PPIP5K2: variants seen among roughly 807,000 people sequenced by gnomAD.
The protein encoded by PPIP5K2 is diphosphoinositol pentakisphosphate kinase 2, also known as inositol hexakisphosphate and diphosphoinositol-pentakisphosphate kinase 2.
PPIP5K2 carries 105 observed loss-of-function variants against 154.6 expected under a neutral mutation model. That is an observed-to-expected ratio of 0.68 (90% confidence interval 0.58 to 0.80). The LOEUF is 0.80. PPIP5K2 is among the 30% of genes least tolerant of loss of function. The probability of loss-of-function intolerance (pLI) is 0.00; values close to 1 mark genes in which losing one functional copy is unlikely to be tolerated. For synonymous variants in PPIP5K2, 480 were observed against 490.3 expected (o/e 0.98, Z 0.28); for missense variants, 992 against 1,504.6 (o/e 0.66, Z 5.64).
At chr5:103,149,129 C>A (rs1554210373) in intron 7 of PPIP5K2, 23 bp from the exon 8 acceptor site, 1 of 1,561,334 alleles carries the variant, frequency 6.4e-7, no homozygotes, top group Non-Finnish European at 8.7e-7. Context: ...TATATTTATA[C>A]ATTTATTAAA....
intron 11 of PPIP5K2, 123 bp from the exon 12 acceptor site, chr5:103,154,547 C>T (rs1795108284): frequency 1.7e-6 from 1 of 600,818 alleles, no homozygotes; most frequent in Non-Finnish European, 2.8e-6. Context: ...AAACACAGTA[C>T]TTGAAATCCT....
At chr5:103,169,120 C>T (rs76738518) in intron 19 of PPIP5K2, among the ~76,000 whole-genome samples, 4 of 151,630 alleles carry the variant, frequency 2.6e-5, no homozygotes, top group Non-Finnish European at 4.4e-5. Context: ...AAAGGTGTAA[C>T]AAGAATTCAA....
At chr5:103,158,028 C>T (rs1488592941) in intron 14 of PPIP5K2, among the ~76,000 whole-genome samples, 160 bp from the exon 15 acceptor site, 1 of 152,194 alleles carries the variant, frequency 6.6e-6, no homozygotes, top group Non-Finnish European at 1.5e-5. Context: ...TGCCTACAAA[C>T]GGCATTAAGG....
At chr5:103,156,177 C>G (rs1217703222) in intron 14 of PPIP5K2, among the ~76,000 whole-genome samples, 183 bp downstream of exon 14, 10 of 152,056 alleles carry the variant, frequency 6.6e-5, no homozygotes, top group Admixed American at 2.6e-4. Context: ...TTAAAATTAC[C>G]TATTCTTTAA....
rs556628527 is a variant in PPIP5K2 at position 103,150,655 on chromosome 5, C to T, written c.907-598C>T. Among the ~76,000 whole-genome samples, 13 of 152,174 alleles carry T rather than the reference C, an allele frequency of 8.5e-5. No homozygotes were observed. In the South Asian group the frequency reaches 2.1e-3, roughly 24 times the overall value. ...TTGTGGTGGCTCACACCTGTAATCCCAGCTACTGCGGTGGCTGGGGCACAA... is the reference window on the plus strand; with the variant it reads ...TTGTGGTGGCTCACACCTGTAATCCTAGCTACTGCGGTGGCTGGGGCACAA... On this transcript the variant is annotated intron_variant, in intron 8 of 30. Coordinates refer to ENST00000358359, the MANE Select transcript of PPIP5K2 (RefSeq NM_001276277.3).
At chr5:103,133,395 G>C in intron 2 of PPIP5K2, 58 bp from the exon 3 acceptor site, 4 of 1,440,370 alleles carry the variant, frequency 2.8e-6, no homozygotes, top group Non-Finnish European at 3.8e-6. Context: ...AATGAAGATA[G>C]CTGTACTTTG....
chr5:103,180,064 C>A lies in PPIP5K2; in HGVS notation c.2798C>A (p.Pro933Gln). The A allele has an allele frequency of 1.3e-6, 2 of 1,585,598 alleles. No homozygotes were observed. The highest frequency in any genetic ancestry group is 1.2e-5 in the South Asian group (1 of 85,968). ...RPFKIDNDDE[P>Q]HTSKRDEVDR... ...TTTAAAATTGATAATGATGATGAAC[C>A]ACATACTTCTAAAAGAGATGAAGTT... The change falls in exon 24 of 31, where the codon CCA (proline) becomes CAA (glutamine). Residue 933 changes from proline (P) to glutamine (Q), a missense_variant. Physicochemically the swap from Pro to Gln is moderately conservative, Grantham distance 76. Coordinates refer to ENST00000358359, the MANE Select transcript of PPIP5K2 (RefSeq NM_001276277.3).
intron 30 of PPIP5K2, among the ~76,000 whole-genome samples, chr5:103,195,482 C>G (rs1465976624): frequency 6.6e-6 from 1 of 152,094 alleles, no homozygotes; most frequent in Non-Finnish European, 1.5e-5. Flanking sequence ...AAAAATTTCT[C>G]TTTCCTGATA....
intron 5 of PPIP5K2, among the ~76,000 whole-genome samples, chr5:103,142,865 A>G (rs1793075961): frequency 6.6e-6 from 1 of 152,114 alleles, no homozygotes; most frequent in African/African-American, 2.4e-5. Context: ...ATACTCTAAC[A>G]CTGTCATTGT....
chr5:103,198,624 A>G (rs917562040), intron 30 of PPIP5K2, among the ~76,000 whole-genome samples: 1 of 152,158 alleles, frequency 6.6e-6, no homozygotes, highest in Non-Finnish European at 1.5e-5. Context: ...TATTCTTAAT[A>G]AATTGACTCA....
intron 28 of PPIP5K2, among the ~76,000 whole-genome samples, chr5:103,189,602 GT>G (rs1800913482): frequency 6.6e-6 from 1 of 151,982 alleles, no homozygotes; most frequent in Non-Finnish European, 1.5e-5. Flanking sequence ...GTATAGTTTT[GT>G]TTTTGTTTTT....
chr5:103,190,621 A>T (rs1801082910), intron 28 of PPIP5K2, among the ~76,000 whole-genome samples: 2 of 151,866 alleles, frequency 1.3e-5, no homozygotes, highest in African/African-American at 4.8e-5. Context: ...TGTGCATGCG[A>T]TACTACGTGA....
intron 17 of PPIP5K2, among the ~76,000 whole-genome samples, chr5:103,166,467 G>A (rs1005765105): frequency 7.9e-5 from 12 of 151,806 alleles, no homozygotes; most frequent in South Asian, 2.1e-4. Flanking sequence ...TATTTAAGGG[G>A]CACTCATTTT....
intron 28 of PPIP5K2, chr5:103,189,243 T>C: frequency 6.7e-7 from 1 of 1,496,254 alleles, no homozygotes; most frequent in Non-Finnish European, 9.0e-7. Context: ...TTTTATAGCT[T>C]CTAAACATGT....
rs561882901 is a variant in PPIP5K2, at chr5:103,138,757, A to T, written c.487+288A>T. Among the ~76,000 whole-genome samples, 9 of 152,372 alleles carry T rather than the reference A, an allele frequency of 5.9e-5. No individual in the cohort carries two copies. The East Asian group carries it at 1.7e-3, about 29-fold the overall frequency. On this transcript the variant is annotated intron_variant, in intron 5 of 30. Transcript: ENST00000358359. ...ATTACATACAAGTAAATGTGTATTGATTAAAGGTGAACAAGTGATTTATCT... is the reference window on the plus strand; with the variant it reads ...ATTACATACAAGTAAATGTGTATTGTTTAAAGGTGAACAAGTGATTTATCT...
At chr5:103,193,209 A>G (rs545381929) in intron 29 of PPIP5K2, among the ~76,000 whole-genome samples, 1 of 152,266 alleles carries the variant, frequency 6.6e-6, no homozygotes, top group African/African-American at 2.4e-5. Flanking sequence ...TTATTTTTGA[A>G]TAGCAAAGAA....
chr5:103,191,016 T>G, intron 29 of PPIP5K2, 34 bp downstream of exon 29: 2 of 1,591,802 alleles, frequency 1.3e-6, no homozygotes, highest in Non-Finnish European at 1.7e-6. Flanking sequence ...TATTATTTAG[T>G]TGCTGGGCAA....
Position 103,206,433 on chromosome 5 carries a change from G to T in PPIP5K2, c.*4799G>T, listed in dbSNP as rs993820916. ...TCAGTGTGATTGAGCCAACTTCTTT[G>T]ATCATCTACTCACCCCTAGATAAAT... is the stretch of plus-strand genomic sequence containing the variant. On this transcript the variant is annotated 3_prime_UTR_variant, in exon 31 of 31. Coordinates refer to ENST00000358359, the MANE Select transcript of PPIP5K2 (RefSeq NM_001276277.3). 6.6e-6 allele frequency: 1 copy of T among 152,102 alleles called. No homozygotes were observed. The highest frequency in any genetic ancestry group is 1.5e-5 in the Non-Finnish European group (1 of 68,022). 9.4% of individuals were successfully genotyped at this position (152,102 alleles called of 1,614,324 possible). A position where few individuals can be genotyped will look rare whatever the true frequency, so the allele number is the denominator to read the frequency against.
At position 103,149,256 on chromosome 5, in the gene PPIP5K2, T is replaced by A. The variant is rs1554210450; in HGVS notation, c.849T>A (p.Pro283=). Residue 283 remains proline, a synonymous_variant, in exon 8 of 31, where the codon CCT becomes CCA. Coordinates refer to ENST00000358359, the MANE Select transcript of PPIP5K2 (RefSeq NM_001276277.3). ...GTGAAGGAAAAGAAGTAAGATACCCTGTTATTCTCAATGCACGAGAGAAAT... is the reference window on the plus strand; with the variant it reads ...GTGAAGGAAAAGAAGTAAGATACCCAGTTATTCTCAATGCACGAGAGAAAT... ...RDSEGKEVRY[P]VILNAREKLI... 1.9e-6 allele frequency: 3 copies of A among 1,613,778 alleles called. No homozygotes were observed. Among genetic ancestry groups the A allele is most frequent in the Non-Finnish European group, 2.5e-6 (3 of 1,179,868 alleles).
Sources: gnomAD v4.1 joint callset for allele counts (sites outside exome capture counted in the v4.1 genomes callset) on GRCh38, gnomAD v4.1.1 for gene constraint, MANE v1.5 for transcripts, NCBI Gene and HGNC (gene_info 2026-07-23, HGNC 2026-07-21) for gene names.